Variants in KIAA0586 observed in about 807,000 individuals in gnomAD.
KIAA0586 encodes KIAA0586, also known as protein TALPID3.
Under a neutral mutation model 169.8 loss-of-function variants are expected in KIAA0586, and 144 were observed. The ratio of observed to expected loss-of-function variants is 0.85; its 90% CI spans 0.74 to 0.97. KIAA0586 has a LOEUF of 0.97. KIAA0586 is among the 50% of genes least tolerant of loss of function. The pLI is 0.00. For synonymous variants in KIAA0586, 625 were observed against 612.4 expected (o/e 1.02, Z -0.30); for missense variants, 1,854 against 1,823.0 (o/e 1.02, Z -0.31).
rs2047102105 is a variant in KIAA0586, at chr14:58,548,227, G to A, written c.*295G>A. The A allele has an allele frequency of 3.9e-6, 1 of 257,460 alleles. No individual in the cohort carries two copies. Among genetic ancestry groups the A allele is most frequent in the South Asian group, 1.3e-4 (1 of 7,892 alleles). The allele number at this position is 257,460 out of a possible 1,614,324, so 15.9% of individuals were successfully genotyped here. A position where few individuals can be genotyped will look rare whatever the true frequency, so the allele number is the denominator to read the frequency against. ...ATTTAATCTATAGGTGTAATTATCT[G>A]TATGTATTTATAAAATTATGTAGCT... On this transcript the variant is annotated 3_prime_UTR_variant, in exon 31 of 31. Transcript: ENST00000652326.
chr14:58,456,034 G>T (rs916084749), intron 9 of KIAA0586, among the ~76,000 whole-genome samples: 24 of 152,010 alleles, frequency 1.6e-4, no homozygotes, highest in Admixed American at 1.0e-3. Context: ...AATTGCCACC[G>T]TTTTTTGAAA....
intron 29 of KIAA0586, among the ~76,000 whole-genome samples, chr14:58,536,417 A>G (rs1020292060): frequency 3.9e-5 from 6 of 152,102 alleles, no homozygotes; most frequent in Non-Finnish European, 7.4e-5. Flanking sequence ...CCTGCTTCTG[A>G]GTTAGTTCAC....
chr14:58,492,344 C>A (rs1362602422), intron 26 of KIAA0586, 69 bp downstream of exon 26: 4 of 1,387,550 alleles, frequency 2.9e-6, no homozygotes, highest in Non-Finnish European at 2.9e-6. Context: ...AATATTCTTA[C>A]TACTAGTTAA....
chr14:58,479,364 C>G (rs148616252), intron 20 of KIAA0586, among the ~76,000 whole-genome samples: 95 of 152,190 alleles, frequency 6.2e-4, no homozygotes, highest in African/African-American at 2.0e-3. Flanking sequence ...TTTTTAAGTT[C>G]GAGTCGTGTC....
Position 58,428,467 on chromosome 14 carries a change from T to TACCAC in KIAA0586, c.199+4_199+5insACCAC. On this transcript the variant is annotated splice_donor_region_variant and intron_variant, in intron 1 of 30. Transcript: ENST00000652326. Reference sequence around the variant, plus strand: ...AGTTTGAATGGAACATCACGTGGTATGTGATTCCATGTAGTTTTTCAACCA... The same window carrying TACCAC: ...AGTTTGAATGGAACATCACGTGGTATACCACGTGATTCCATGTAGTTTTTCAACCA... 6.3e-7 allele frequency: 1 copy of TACCAC among 1,585,874 alleles called. No homozygotes were observed. Among genetic ancestry groups the TACCAC allele is most frequent in the Non-Finnish European group, 8.7e-7 (1 of 1,155,378 alleles).
intron 29 of KIAA0586, among the ~76,000 whole-genome samples, chr14:58,534,143 G>T (rs759111269): frequency 1.3e-5 from 2 of 152,144 alleles, no homozygotes; most frequent in African/African-American, 4.8e-5. Flanking sequence ...TATTTAGGAA[G>T]GGTTTCCATC....
At chr14:58,465,697 A>G in intron 14 of KIAA0586, 138 bp from the exon 15 acceptor site, 1 of 557,346 alleles carries the variant, frequency 1.8e-6, no homozygotes, top group Non-Finnish European at 3.1e-6. Flanking sequence ...TCTGGTCTAT[A>G]TATTACTTCT....
intron 6 of KIAA0586, among the ~76,000 whole-genome samples, chr14:58,445,110 TACACACACACATACATACACACAC>T (rs2038756272): frequency 6.8e-6 from 1 of 147,096 alleles, no homozygotes; most frequent in Non-Finnish European, 1.5e-5. Flanking sequence ...AAGAACTATA[TACACACACACATACATACACACAC>T]ACACACACAC....
intron 6 of KIAA0586, among the ~76,000 whole-genome samples, chr14:58,447,866 G>A (rs1362760260): frequency 6.6e-6 from 1 of 152,176 alleles, no homozygotes; most frequent in East Asian, 1.9e-4. Context: ...TATTATTGCT[G>A]CTGCTAAGCA....
At chr14:58,475,929 G>A (rs1057385308) in intron 19 of KIAA0586, among the ~76,000 whole-genome samples, 8 of 151,894 alleles carry the variant, frequency 5.3e-5, no homozygotes, top group Admixed American at 1.3e-4. Flanking sequence ...ATGAAACCCC[G>A]TCACTACTGA....
rs189310050 is a variant in KIAA0586 at position 58,487,410 on chromosome 14, C to T, written c.3304+244C>T. 2.5e-3 allele frequency among the ~76,000 whole-genome samples: 382 copies of T among 152,170 alleles called. 4 individuals carry two copies. The highest frequency in any genetic ancestry group is 8.8e-3 in the African/African-American group (366 of 41,528). On this transcript the variant is annotated intron_variant, in intron 22 of 30. Transcript: ENST00000652326. Reference sequence around the variant, plus strand: ...AATCACGAGGTCAGGAGTTTGAGACCAGCCTGACCAACATGGTGAAACCCC... The same window carrying T: ...AATCACGAGGTCAGGAGTTTGAGACTAGCCTGACCAACATGGTGAAACCCC...
chr14:58,532,675 G>A (rs1210185970), intron 29 of KIAA0586, among the ~76,000 whole-genome samples: 1 of 152,056 alleles, frequency 6.6e-6, no homozygotes, highest in African/African-American at 2.4e-5. Context: ...TATTTTCAGT[G>A]TCCCTGATGG....
At chr14:58,531,343 A>AAAAAT (rs2045956226) in intron 29 of KIAA0586, among the ~76,000 whole-genome samples, 2 of 145,970 alleles carry the variant, frequency 1.4e-5, no homozygotes, top group Non-Finnish European at 1.5e-5. Flanking sequence ...AAAAAAAAAT[A>AAAAAT]AAATAAATAA....
chr14:58,507,847 C>T (rs780713717), intron 27 of KIAA0586, among the ~76,000 whole-genome samples: 1 of 151,994 alleles, frequency 6.6e-6, no homozygotes, highest in South Asian at 2.1e-4. Context: ...TGCAGTGATG[C>T]GATCTCAGCT....
intron 20 of KIAA0586, 107 bp from the exon 21 acceptor site, chr14:58,482,406 A>G: frequency 1.2e-6 from 1 of 832,576 alleles, no homozygotes; most frequent in Non-Finnish European, 1.7e-6. Flanking sequence ...AGCCTGGGTG[A>G]CAGAGTGACA....
chr14:58,482,772 C>T (rs2042125163), intron 21 of KIAA0586, 60 bp downstream of exon 21: 1 of 1,142,552 alleles, frequency 8.8e-7, no homozygotes, highest in South Asian at 1.7e-5. Context: ...TTTTAAGCTG[C>T]ATACCATAAG....
At chr14:58,526,798 A>C (rs1410833292) in intron 29 of KIAA0586, among the ~76,000 whole-genome samples, 1 of 152,148 alleles carries the variant, frequency 6.6e-6, no homozygotes, top group Admixed American at 6.5e-5. Context: ...TATTCCTTCA[A>C]ATTAGCTCTG....
chr14:58,520,937 C>T (rs1284785348), intron 29 of KIAA0586: 2 of 181,856 alleles, frequency 1.1e-5, no homozygotes, highest in Non-Finnish European at 2.3e-5. Context: ...TCTTTTTTAG[C>T]ATCCCTTTAC....
At chr14:58,466,878 G>T (rs567079117) in intron 15 of KIAA0586, among the ~76,000 whole-genome samples, 2 of 152,138 alleles carry the variant, frequency 1.3e-5, no homozygotes, top group South Asian at 4.2e-4. Context: ...AAGCTGTGTG[G>T]GTGTGTAATC....
Sources: allele counts gnomAD v4.1 joint callset (sites outside exome capture counted in the v4.1 genomes callset), GRCh38; gene constraint gnomAD v4.1.1; transcripts MANE v1.5; gene names NCBI Gene and HGNC (gene_info 2026-07-23, HGNC 2026-07-21).